SAMD5: variants seen among roughly 807,000 people sequenced by gnomAD.
The protein encoded by SAMD5 is sterile alpha motif domain containing 5.
A neutral mutation model predicts 11.3 loss-of-function variants in SAMD5; 13 were observed. The ratio of observed to expected loss-of-function variants is 1.15; its 90% CI spans 0.75 to 1.83. The LOEUF (loss-of-function observed/expected upper bound fraction) is 1.83, where lower values mean the gene tolerates loss of function less well. Among genes scored for constraint, SAMD5 ranks in the 40% most tolerant of loss-of-function variants. The probability of loss-of-function intolerance (pLI) is 0.00; values close to 1 mark genes in which losing one functional copy is unlikely to be tolerated. For missense variants in SAMD5, 255 were observed against 239.1 expected, an observed-to-expected ratio of 1.07 and a Z score of -0.44; for synonymous variants, 129 against 111.3, an observed-to-expected ratio of 1.16 and a Z score of -1.00.
At chr6:147,723,096 A>G (rs1791578078) in intron 1 of SAMD5, among the ~76,000 whole-genome samples, 1 of 152,158 alleles carries the variant, frequency 6.6e-6, no homozygotes, top group Non-Finnish European at 1.5e-5. Flanking sequence ...GTTACTAAGT[A>G]CTCAGCCCAT....
rs572072010 is a variant in SAMD5 at position 147,586,377 on chromosome 6, A to C, written c.162+76990A>C. Among the ~76,000 whole-genome samples, 3 of 152,302 alleles carry C rather than the reference A, an allele frequency of 2.0e-5. No homozygotes were observed. The South Asian group carries it at 6.2e-4, about 32-fold the overall frequency. ...AAACCCTAGTACACATACATTCAAA[A>C]AATACCAAGTCTTACGAAATTTTAC... On this transcript the variant is annotated intron_variant, in intron 1 of 1. Coordinates refer to the SAMD5 transcript ENST00000566741.
At chr6:147,667,773 C>G (rs1790743368) in intron 1 of SAMD5, among the ~76,000 whole-genome samples, 1 of 151,994 alleles carries the variant, frequency 6.6e-6, no homozygotes, top group Non-Finnish European at 1.5e-5. Flanking sequence ...CTCCTTTTCC[C>G]ATTCTCTTTC....
At chr6:147,617,381 C>A (rs1053958951) in intron 1 of SAMD5, among the ~76,000 whole-genome samples, 3 of 152,118 alleles carry the variant, frequency 2.0e-5, no homozygotes, top group East Asian at 1.9e-4. Flanking sequence ...GAAAAGTACC[C>A]GGAAAAAGCA....
the SAMD5 span, among the ~76,000 whole-genome samples, chr6:147,923,270 A>T: frequency 2.6e-5 from 4 of 152,232 alleles, no homozygotes; most frequent in Admixed American, 2.0e-4. Flanking sequence ...TGTATTTGAT[A>T]TGCTGAATGA....
At chr6:147,784,265 T>C in the SAMD5 span, among the ~76,000 whole-genome samples, 1 of 152,028 alleles carries the variant, frequency 6.6e-6, no homozygotes, top group Non-Finnish European at 1.5e-5. Context: ...AGATGGATGG[T>C]ATCTTTGTAC....
At chr6:147,753,483 A>G in the SAMD5 span, among the ~76,000 whole-genome samples, 1 of 152,216 alleles carries the variant, frequency 6.6e-6, no homozygotes, top group Non-Finnish European at 1.5e-5. Context: ...TGATACAGGC[A>G]TGCAATGTAA....
chr6:147,736,641 G>C (rs907937727), intron 1 of SAMD5, among the ~76,000 whole-genome samples: 1 of 152,130 alleles, frequency 6.6e-6, no homozygotes, highest in African/African-American at 2.4e-5. Flanking sequence ...ATGTTCTGAT[G>C]GGCTTGGGCA....
the SAMD5 span, among the ~76,000 whole-genome samples, chr6:147,863,127 A>G: frequency 1.3e-5 from 2 of 152,222 alleles, no homozygotes; most frequent in Admixed American, 6.5e-5. Flanking sequence ...TTCACTTGGC[A>G]GGATCCTTGT....
intron 1 of SAMD5, among the ~76,000 whole-genome samples, chr6:147,671,889 ATTTTT>A (rs56865442): frequency 2.1e-4 from 21 of 98,062 alleles, no homozygotes; most frequent in African/African-American, 7.7e-4. Flanking sequence ...CTTTTTCAGG[ATTTTT>A]TTTTTTTTTT....
chr6:147,529,035 T>C (rs1245425140), intron 1 of SAMD5, among the ~76,000 whole-genome samples: 1 of 152,234 alleles, frequency 6.6e-6, no homozygotes, highest in Admixed American at 6.5e-5. Flanking sequence ...AACATAACAG[T>C]GTTTCCTCCT....
chr6:147,724,984 C>G (rs1182903866), intron 1 of SAMD5, among the ~76,000 whole-genome samples: 1 of 152,062 alleles, frequency 6.6e-6, no homozygotes, highest in Non-Finnish European at 1.5e-5. Flanking sequence ...CAACTAGTGT[C>G]AGAACCTTCA....
At chr6:147,909,632 C>CTTCTT in the SAMD5 span, among the ~76,000 whole-genome samples, 61 of 61,174 alleles carry the variant, frequency 1.0e-3, 5 homozygotes, top group South Asian at 2.5e-3. Flanking sequence ...TTCTTTCTTT[C>CTTCTT]TCTTTCTTGT....
Position 147,702,088 on chromosome 6 carries a change from C to A in SAMD5, c.163-35229C>A, listed in dbSNP as rs537840154. Among the ~76,000 whole-genome samples, 55 of 152,260 alleles carry A rather than the reference C, an allele frequency of 3.6e-4. No individual in the cohort carries two copies. In the South Asian group the frequency reaches 9.5e-3, roughly 26 times the overall value. ...TCACATTTCCACATGGCTGAGGAAG[C>A]CTCACCATCATGGCGGAAGACAAAA... On this transcript the variant is annotated intron_variant, in intron 1 of 1. Coordinates refer to the SAMD5 transcript ENST00000566741.
Position 147,674,764 on chromosome 6 carries a change from A to C in SAMD5, c.163-62553A>C, listed in dbSNP as rs558726930. Among the ~76,000 whole-genome samples, 3 of 152,286 alleles carry C rather than the reference A, an allele frequency of 2.0e-5. No individual in the cohort carries two copies. The South Asian group carries it at 6.2e-4, about 32-fold the overall frequency. On this transcript the variant is annotated intron_variant, in intron 1 of 1. Coordinates refer to the SAMD5 transcript ENST00000566741. ...ACTCTGTGAATGAGTTACCTGCACTATTAAAAAAGATGTAAATCCAAGAAT... is the reference window on the plus strand; with the variant it reads ...ACTCTGTGAATGAGTTACCTGCACTCTTAAAAAAGATGTAAATCCAAGAAT...
the SAMD5 span, among the ~76,000 whole-genome samples, chr6:147,749,166 T>C: frequency 4.1e-5 from 6 of 145,252 alleles, no homozygotes; most frequent in Non-Finnish European, 8.9e-5. Flanking sequence ...AATATTTTTT[T>C]GTTTTGTTTT....
chr6:147,708,518 T>C (rs1791355021), intron 1 of SAMD5, among the ~76,000 whole-genome samples: 1 of 152,206 alleles, frequency 6.6e-6, no homozygotes, highest in Admixed American at 6.5e-5. Context: ...GAAGAGCTTA[T>C]GGTGCATAAA....
intron 1 of SAMD5, among the ~76,000 whole-genome samples, chr6:147,653,784 GA>G (rs1790527475): frequency 2.0e-5 from 3 of 151,942 alleles, no homozygotes; most frequent in Middle Eastern, 6.8e-3. Context: ...TTTCTGTTTC[GA>G]TATGAAGCTG....
chr6:147,679,848 A>T lies in SAMD5; in HGVS notation c.163-57469A>T, dbSNP rs117757690. ...GTGGGTATCCAATTGTTTCAGCACC[A>T]TTTGTTGAAAAAATATATTTTCCCC... On this transcript the variant is annotated intron_variant, in intron 1 of 1. Coordinates refer to the SAMD5 transcript ENST00000566741. Among the ~76,000 whole-genome samples the T allele has an allele frequency of 3.5e-4, 53 of 151,154 alleles. No homozygotes were observed. The East Asian group carries it at 9.5e-3, about 27-fold the overall frequency.
intron 1 of SAMD5, among the ~76,000 whole-genome samples, chr6:147,551,724 T>C (rs1168896276): frequency 1.3e-5 from 2 of 151,090 alleles, no homozygotes; most frequent in East Asian, 3.9e-4. Context: ...ATGTGAAAGG[T>C]TATTTTTTAT....
Sources: gnomAD v4.1 joint callset for allele counts (sites outside exome capture counted in the v4.1 genomes callset) on GRCh38, gnomAD v4.1.1 for gene constraint, MANE v1.5 for transcripts, NCBI Gene and HGNC (gene_info 2026-07-23, HGNC 2026-07-21) for gene names.